Variants in STK32C observed in about 807,000 individuals in gnomAD.
STK32C encodes serine/threonine kinase 32C.
STK32C carries 31 observed loss-of-function variants against 56.5 expected under a neutral mutation model. The observed-to-expected ratio is 0.55, with a 90% CI of 0.41 to 0.74. STK32C has a LOEUF of 0.74. STK32C is among the 30% of genes least tolerant of loss of function. STK32C has a pLI of 0.00. For synonymous variants in STK32C, 309 were observed against 289.4 expected, an observed-to-expected ratio of 1.07 and a Z score of -0.69; for missense variants, 544 against 676.9, an observed-to-expected ratio of 0.80 and a Z score of 2.18.
At chr10:132,232,418 A>G (rs1590201182) in intron 2 of STK32C, among the ~76,000 whole-genome samples, 1 of 152,212 alleles carries the variant, frequency 6.6e-6, no homozygotes, top group South Asian at 2.1e-4. Context: ...GCGGTGGCGT[A>G]AAGCCCTGGG....
intron 2 of STK32C, among the ~76,000 whole-genome samples, chr10:132,239,766 G>A (rs537431382): frequency 2.0e-5 from 3 of 152,348 alleles, no homozygotes; most frequent in African/African-American, 7.2e-5. Context: ...CAGGCTTCCC[G>A]GACACTAGGG....
Position 132,315,059 on chromosome 10 carries a change from A to G in STK32C, c.301+16377T>C, listed in dbSNP as rs2066288206. ...TGAGACAGGAGAATCATTCGAACCT[A>G]AGAGGCGGAAGTTGCGGTGAGCAGA... On this transcript the variant is annotated intron_variant, in intron 1 of 3. Coordinates refer to the STK32C transcript ENST00000368620. 2.0e-5 allele frequency among the ~76,000 whole-genome samples: 3 copies of G among 152,162 alleles called. No homozygotes were observed. In the South Asian group the frequency reaches 6.2e-4, roughly 32 times the overall value.
rs112459634 is a variant in STK32C, at chr10:132,209,008, C to T, written c.1319+26G>A. 420 of 1,596,928 alleles carry T rather than the reference C, an allele frequency of 2.6e-4. 7 individuals carry two copies. The African/African-American group carries it at 4.6e-3, about 17-fold the overall frequency. ...CCCATTTTCCTCCTCTCTGCCACCACGCCCACCCACCCCCAACACACTCAC... is the reference window on the plus strand; with the variant it reads ...CCCATTTTCCTCCTCTCTGCCACCATGCCCACCCACCCCCAACACACTCAC... On this transcript the variant is annotated intron_variant, in intron 11 of 11. Transcript: ENST00000298630.
At chr10:132,282,896 A>G (rs1195001135) in intron 1 of STK32C, among the ~76,000 whole-genome samples, 1 of 152,248 alleles carries the variant, frequency 6.6e-6, no homozygotes, top group African/African-American at 2.4e-5. Context: ...TCTGCTGGTC[A>G]GGAGGCGGTG....
At chr10:132,225,449 G>A (rs2062854659) in intron 6 of STK32C, 78 bp downstream of exon 6, 2 of 1,597,442 alleles carry the variant, frequency 1.3e-6, no homozygotes, top group African/African-American at 1.3e-5. Flanking sequence ...TCCAGGGTGG[G>A]ACAGAGAAGC....
intron 2 of STK32C, among the ~76,000 whole-genome samples, chr10:132,238,460 G>A (rs752642424): frequency 2.6e-5 from 4 of 152,174 alleles, no homozygotes; most frequent in Non-Finnish European, 5.9e-5. Context: ...GAGCCTTAGT[G>A]GAGGCTTCCT....
intron 10 of STK32C, among the ~76,000 whole-genome samples, chr10:132,217,779 T>C (rs866910187): frequency 7.9e-5 from 12 of 152,188 alleles, no homozygotes; most frequent in Non-Finnish European, 1.2e-4. Flanking sequence ...CCGCCATCCA[T>C]GTAAGATGTG....
chr10:132,329,295 T>A (rs190876701), intron 1 of STK32C, among the ~76,000 whole-genome samples: 12 of 152,222 alleles, frequency 7.9e-5, no homozygotes, highest in African/African-American at 2.6e-4. Context: ...ATGCCTGTAG[T>A]CTCAGCTACT....
At chr10:132,313,985 CAG>C (rs2066268644) in intron 1 of STK32C, among the ~76,000 whole-genome samples, 1 of 152,174 alleles carries the variant, frequency 6.6e-6, no homozygotes, top group Non-Finnish European at 1.5e-5. Context: ...AGTTCGCAGG[CAG>C]AGTCTCTCTC....
chr10:132,229,804 G>C (rs549721229), intron 2 of STK32C, among the ~76,000 whole-genome samples: 4 of 152,244 alleles, frequency 2.6e-5, no homozygotes, highest in Admixed American at 6.5e-5. Flanking sequence ...GCACCGGGCT[G>C]GCCCAAACTA....
intron 1 of STK32C, among the ~76,000 whole-genome samples, chr10:132,297,925 C>T (rs2065803618): frequency 6.6e-6 from 1 of 152,252 alleles, no homozygotes; most frequent in Non-Finnish European, 1.5e-5. Context: ...CAAGCTCTTT[C>T]AGTTTCAAAG....
At position 132,267,835 on chromosome 10, in the gene STK32C, G is replaced by A. The variant is rs1197291410; in HGVS notation, c.263-21880C>T. Among the ~76,000 whole-genome samples, 10 of 135,958 alleles carry A rather than the reference G, an allele frequency of 7.4e-5. 1 individual carries two copies. In the South Asian group the frequency reaches 1.2e-3, roughly 17 times the overall value. 89.2% of individuals were successfully genotyped at this position (135,958 alleles called of 152,430 possible). A position where few individuals can be genotyped will look rare whatever the true frequency, so the allele number is the denominator to read the frequency against. Reference sequence around the variant, plus strand: ...ACATCGTGTGTGTGTGTGTCAGTGCGTGTGCATGCATGTGTATGCAGGTTC... The same window carrying A: ...ACATCGTGTGTGTGTGTGTCAGTGCATGTGCATGCATGTGTATGCAGGTTC... On this transcript the variant is annotated intron_variant, in intron 1 of 11. Transcript: ENST00000298630.
At chr10:132,282,197 C>T (rs996500063) in intron 1 of STK32C, among the ~76,000 whole-genome samples, 4 of 152,224 alleles carry the variant, frequency 2.6e-5, no homozygotes, top group African/African-American at 9.6e-5. Context: ...GACCAAGGTG[C>T]GCCAACCAGC....
intron 1 of STK32C, among the ~76,000 whole-genome samples, chr10:132,275,357 AGGGAAGGTCCAG>A (rs1257027277): frequency 6.6e-6 from 1 of 152,166 alleles, no homozygotes; most frequent in Non-Finnish European, 1.5e-5. Flanking sequence ...CAAGAGGCCG[AGGGAAGGTCCAG>A]GGGTCTGGGA....
intron 2 of STK32C, among the ~76,000 whole-genome samples, chr10:132,232,814 C>T (rs1477590191): frequency 6.6e-6 from 1 of 150,564 alleles, no homozygotes; most frequent in East Asian, 1.9e-4. Context: ...TGGGCTTTTC[C>T]TATGAAACGC....
chr10:132,252,514 G>T (rs1437521694), intron 1 of STK32C, among the ~76,000 whole-genome samples: 2 of 152,252 alleles, frequency 1.3e-5, no homozygotes, highest in African/African-American at 2.4e-5. Flanking sequence ...TTAAGACGCA[G>T]GTAAAAGGAG....
chr10:132,331,788 C>T, exon 1 of STK32C: 1 of 1,606,922 alleles, frequency 6.2e-7, no homozygotes, highest in African/African-American at 1.3e-5. Flanking sequence ...TCCAGACCCT[C>T]GCGGTCTCTA....
upstream of STK32C, chr10:132,332,034 C>G (rs1276190297): frequency 2.8e-6 from 1 of 356,546 alleles, no homozygotes; most frequent in Non-Finnish European, 5.0e-6. Context: ...CACCCCGCCC[C>G]CGCACGCAGG....
upstream of STK32C, among the ~76,000 whole-genome samples, chr10:132,308,672 C>G (rs2066158990): frequency 6.6e-6 from 1 of 152,098 alleles, no homozygotes; most frequent in South Asian, 2.1e-4. Flanking sequence ...CGGGCACCCC[C>G]GTGCCATCCT....
Sources: gnomAD v4.1 joint callset for allele counts (sites outside exome capture counted in the v4.1 genomes callset) on GRCh38, gnomAD v4.1.1 for gene constraint, MANE v1.5 for transcripts, NCBI Gene and HGNC (gene_info 2026-07-23, HGNC 2026-07-21) for gene names.